Variants in CELF2 observed in about 807,000 individuals in gnomAD.
CELF2 encodes CUGBP Elav-like family member 2.
CELF2 carries 8 observed loss-of-function variants against 62.6 expected under a neutral mutation model. The ratio of observed to expected loss-of-function variants is 0.13; its 90% CI spans 0.07 to 0.23. The LOEUF (loss-of-function observed/expected upper bound fraction) is 0.23, where lower values mean the gene tolerates loss of function less well. Ranked by LOEUF, CELF2 falls within the 10% of genes least tolerant of loss-of-function variation. The pLI, the probability that CELF2 is intolerant of heterozygous loss-of-function variation, is 1.00. For missense variants in CELF2, 333 were observed against 671.0 expected (o/e 0.50, Z 5.56); for synonymous variants, 258 against 250.0 (o/e 1.03, Z -0.30).
At chr10:10,710,627 T>C in the CELF2 span, among the ~76,000 whole-genome samples, 1 of 152,166 alleles carries the variant, frequency 6.6e-6, no homozygotes, top group Non-Finnish European at 1.5e-5. Context: ...CTGATTTTTT[T>C]TTTCTCACTG....
chr10:10,955,228 A>T (rs1186326177), intron 2 of CELF2, among the ~76,000 whole-genome samples: 1 of 152,242 alleles, frequency 6.6e-6, no homozygotes, highest in Non-Finnish European at 1.5e-5. Flanking sequence ...TGGCTAAGAA[A>T]TTGCAAAGCC....
intron 1 of CELF2, among the ~76,000 whole-genome samples, chr10:11,083,017 T>C (rs2141488278): frequency 6.6e-6 from 1 of 152,344 alleles, no homozygotes; most frequent in South Asian, 2.1e-4. Context: ...ATAAGAATAG[T>C]GTTCCTCCTC....
chr10:11,230,606 A>G (rs1589461124), intron 3 of CELF2, among the ~76,000 whole-genome samples: 1 of 152,356 alleles, frequency 6.6e-6, no homozygotes, highest in South Asian at 2.1e-4. Flanking sequence ...ACAGGAGGTG[A>G]GAAAGTAAAT....
Position 11,234,679 on chromosome 10 carries a change from CAAAA to C in CELF2, c.355-14455_355-14452del, listed in dbSNP as rs11387214. On this transcript the variant is annotated intron_variant, in intron 3 of 12. Transcript: ENST00000633077. ...CCTGGGTGACAGTGAGACTCCATCTCAAAAAAAAAAAAAAAAAAAAAATTCAAGT... is the reference window on the plus strand; with the variant it reads ...CCTGGGTGACAGTGAGACTCCATCTCAAAAAAAAAAAAAAAAAATTCAAGT... Among the ~76,000 whole-genome samples the C allele has an allele frequency of 1.9e-4, 16 of 83,258 alleles. 1 individual carries two copies. The highest frequency in any genetic ancestry group is 7.5e-4 in the African/African-American group (16 of 21,266). 54.6% of individuals were successfully genotyped at this position (83,258 alleles called of 152,430 possible).
At position 11,328,566 on chromosome 10, in the gene CELF2, A is replaced by G. The variant is rs545420713; in HGVS notation, c.1439-360A>G. On this transcript the variant is annotated intron_variant, in intron 12 of 12. Coordinates refer to ENST00000633077, the MANE Select transcript of CELF2 (RefSeq NM_001326342.2). The surrounding 1 kb of genome is among the most constrained non-coding windows in gnomAD (Gnocchi z 6.4). ...ACCACTGCTTGTATGAGTAGCATGTATGGACCTGGGGTTCTTTTGGAGAGA... is the reference window on the plus strand; with the variant it reads ...ACCACTGCTTGTATGAGTAGCATGTGTGGACCTGGGGTTCTTTTGGAGAGA... Among the ~76,000 whole-genome samples the G allele has an allele frequency of 3.9e-5, 6 of 152,370 alleles. No individual in the cohort carries two copies. The East Asian group carries it at 7.7e-4, about 20-fold the overall frequency.
the CELF2 span, among the ~76,000 whole-genome samples, chr10:10,645,320 T>G: frequency 2.6e-5 from 4 of 152,224 alleles, no homozygotes; most frequent in African/African-American, 9.7e-5. Flanking sequence ...AGACAGCCAC[T>G]GCTCATGATT....
At chr10:11,187,879 T>A (rs193060608) in intron 2 of CELF2, among the ~76,000 whole-genome samples, 16 of 152,336 alleles carry the variant, frequency 1.1e-4, no homozygotes, top group African/African-American at 3.6e-4. Context: ...TATAGATATT[T>A]CCATCATAAG....
chr10:10,687,974 G>C, the CELF2 span, among the ~76,000 whole-genome samples: 33 of 152,328 alleles, frequency 2.2e-4, no homozygotes, highest in East Asian at 5.8e-3. Context: ...AGCATACAAA[G>C]CCTTACCATT....
chr10:11,217,417 C>G lies in CELF2; in HGVS notation c.272-8C>G. 6.2e-7 allele frequency: 1 copy of G among 1,604,892 alleles called. No homozygotes were observed. Among genetic ancestry groups the G allele is most frequent in the Non-Finnish European group, 8.5e-7 (1 of 1,172,472 alleles). Reference sequence around the variant, plus strand: ...AAATTTCTAAAACCTTTTCATTTCTCTCTGTAGGTTGTTGTTTCGTAACAT... The same window carrying G: ...AAATTTCTAAAACCTTTTCATTTCTGTCTGTAGGTTGTTGTTTCGTAACAT... On this transcript the variant is annotated splice_region_variant and splice_polypyrimidine_tract_variant and intron_variant, in intron 2 of 12. Transcript: ENST00000633077. This position sits in a 1 kb window ranked among gnomAD's most constrained non-coding sequence, Gnocchi z 5.6.
chr10:10,478,851 A>G, the CELF2 span, among the ~76,000 whole-genome samples: 1 of 152,204 alleles, frequency 6.6e-6, no homozygotes, highest in South Asian at 2.1e-4. Context: ...AAGCAACAGA[A>G]TATTTTTTCT....
At chr10:10,579,771 G>C in the CELF2 span, among the ~76,000 whole-genome samples, 7 of 151,952 alleles carry the variant, frequency 4.6e-5, no homozygotes, top group African/African-American at 1.7e-4. Context: ...TGATATTATG[G>C]AATACATAAA....
At chr10:10,539,080 C>A in the CELF2 span, among the ~76,000 whole-genome samples, 23 of 152,220 alleles carry the variant, frequency 1.5e-4, no homozygotes, top group Non-Finnish European at 3.1e-4. Flanking sequence ...GATCCACAAT[C>A]TAGTCTTCTG....
At chr10:10,828,979 A>G (rs2057631486) in intron 1 of CELF2, among the ~76,000 whole-genome samples, 1 of 152,240 alleles carries the variant, frequency 6.6e-6, no homozygotes, top group Non-Finnish European at 1.5e-5. Context: ...CACAAAATGA[A>G]AAACAGCATA....
At chr10:10,691,756 A>C in the CELF2 span, among the ~76,000 whole-genome samples, 1 of 146,722 alleles carries the variant, frequency 6.8e-6, no homozygotes, top group Non-Finnish European at 1.5e-5. Flanking sequence ...TCTGATGGCC[A>C]GTGATGATGA....
At chr10:11,079,961 G>A (rs1020743216) in intron 1 of CELF2, among the ~76,000 whole-genome samples, 2 of 152,080 alleles carry the variant, frequency 1.3e-5, no homozygotes, top group South Asian at 4.1e-4. Context: ...ACTACTTATA[G>A]CGCTAAGAAA....
chr10:11,194,601 G>A (rs1010796941), intron 2 of CELF2, among the ~76,000 whole-genome samples: 2 of 152,114 alleles, frequency 1.3e-5, no homozygotes, highest in Non-Finnish European at 2.9e-5. Context: ...AAGGGAAGAT[G>A]GCCCGTAGCC....
the CELF2 span, among the ~76,000 whole-genome samples, chr10:10,622,440 C>T: frequency 1.3e-5 from 2 of 151,828 alleles, no homozygotes; most frequent in Non-Finnish European, 2.9e-5. Context: ...GAGACCCCAT[C>T]ACTACATACA....
At chr10:10,740,198 G>A in the CELF2 span, among the ~76,000 whole-genome samples, 4 of 121,656 alleles carry the variant, frequency 3.3e-5, no homozygotes, top group African/African-American at 1.3e-4. Context: ...TCATTACCAA[G>A]GCCAATATCA....
chr10:11,213,202 C>T (rs765559108), intron 2 of CELF2, among the ~76,000 whole-genome samples: 31 of 152,268 alleles, frequency 2.0e-4, no homozygotes, highest in Non-Finnish European at 2.9e-4. Context: ...ATGCATGGTG[C>T]GACCACTGAC....
Sources: gnomAD v4.1 joint callset for allele counts (sites outside exome capture counted in the v4.1 genomes callset) on GRCh38, gnomAD v4.1.1 for gene constraint, Gnocchi (gnomAD v3.1) non-coding constraint, MANE v1.5 for transcripts, NCBI Gene and HGNC (gene_info 2026-07-23, HGNC 2026-07-21) for gene names.